BRSK2: variants seen among roughly 807,000 people sequenced by gnomAD.
BRSK2 encodes the protein BR serine/threonine kinase 2.
A neutral mutation model predicts 83.3 loss-of-function variants in BRSK2; 19 were observed. The observed-to-expected ratio is 0.23, with a 90% CI of 0.16 to 0.33. The LOEUF (loss-of-function observed/expected upper bound fraction) is 0.33, where lower values mean the gene tolerates loss of function less well. Among genes scored for constraint, BRSK2 ranks in the 10% least tolerant of loss-of-function variants. The pLI is 1.00. For synonymous variants in BRSK2, 519 were observed against 435.4 expected, an observed-to-expected ratio of 1.19 and a Z score of -2.39; for missense variants, 798 against 1,042.3, an observed-to-expected ratio of 0.77 and a Z score of 3.23.
intron 1 of BRSK2, among the ~76,000 whole-genome samples, chr11:1,418,806 C>T (rs1358824076): frequency 6.6e-6 from 1 of 152,276 alleles, no homozygotes; most frequent in Non-Finnish European, 1.5e-5. Context: ...TGGGGGGCTG[C>T]TCAGCCAGAT....
At chr11:1,404,652 C>G (rs2134068437) in intron 1 of BRSK2, among the ~76,000 whole-genome samples, 2 of 152,312 alleles carry the variant, frequency 1.3e-5, no homozygotes, top group South Asian at 4.1e-4. Flanking sequence ...GCCTCTAAGA[C>G]CACAAGGCAC....
Position 1,460,485 on chromosome 11 carries a change from G to C in BRSK2, c.1988-15G>C. ...CCTTTTTTTTTTTTTTTTTGTCTCT[G>C]TTCTGTGTACCCAGGCAGCCCATTG... On this transcript the variant is annotated splice_polypyrimidine_tract_variant and intron_variant, in intron 19 of 19. Transcript: ENST00000528841. 3 of 775,442 alleles carry C rather than the reference G, an allele frequency of 3.9e-6. No individual in the cohort carries two copies. Among genetic ancestry groups the C allele is most frequent in the South Asian group, 3.4e-5 (1 of 29,822 alleles). 48.0% of individuals were successfully genotyped at this position (775,442 alleles called of 1,614,324 possible).
chr11:1,443,962 G>T (rs1249654785), intron 8 of BRSK2, among the ~76,000 whole-genome samples: 1 of 152,206 alleles, frequency 6.6e-6, no homozygotes, highest in African/African-American at 2.4e-5. Flanking sequence ...GTGTTCAAGG[G>T]TGTGGGGGTA....
At chr11:1,394,091 CCCTGGAGATGGGCCATGGAGATGGGT>C (rs1845905431) in intron 1 of BRSK2, among the ~76,000 whole-genome samples, 1 of 121,068 alleles carries the variant, frequency 8.3e-6, no homozygotes. Flanking sequence ...GGAGATGGGT[CCCTGGAGATGGGCCATGGAGATGGGT>C]CCTGGAGATG....
intron 1 of BRSK2, among the ~76,000 whole-genome samples, chr11:1,405,493 T>C (rs1217047088): frequency 6.6e-6 from 1 of 152,054 alleles, no homozygotes; most frequent in African/African-American, 2.4e-5. Flanking sequence ...TCCTAGGGCT[T>C]GCCTGCAGCC....
At chr11:1,448,426 C>T (rs1727552922) in intron 12 of BRSK2, among the ~76,000 whole-genome samples, 1 of 152,216 alleles carries the variant, frequency 6.6e-6, no homozygotes, top group Admixed American at 6.5e-5. Flanking sequence ...TGCCCTCACT[C>T]TGCCTGCCCT....
At chr11:1,391,715 A>G (rs551736968) in intron 1 of BRSK2, among the ~76,000 whole-genome samples, 5 of 152,228 alleles carry the variant, frequency 3.3e-5, no homozygotes, top group South Asian at 4.1e-4. Flanking sequence ...CCGGAAAGAA[A>G]AACTAGTGTG....
chr11:1,419,206 GTC>G (rs1848408254), intron 1 of BRSK2, among the ~76,000 whole-genome samples: 1 of 151,062 alleles, frequency 6.6e-6, no homozygotes, highest in South Asian at 2.1e-4. Context: ...TCAGGTGTGA[GTC>G]TGGGCACTGG....
intron 1 of BRSK2, among the ~76,000 whole-genome samples, chr11:1,402,382 G>T (rs536054711): frequency 6.6e-6 from 1 of 152,240 alleles, no homozygotes; most frequent in Non-Finnish European, 1.5e-5. Flanking sequence ...GGTGGCCTTG[G>T]GGGTGGATGG....
chr11:1,420,794 G>T (rs1267111791), intron 1 of BRSK2, among the ~76,000 whole-genome samples: 2 of 152,232 alleles, frequency 1.3e-5, no homozygotes, highest in Non-Finnish European at 2.9e-5. Context: ...CTCAGCTCTA[G>T]GTGGGGCTGG....
At chr11:1,417,496 T>C (rs995220882) in intron 1 of BRSK2, among the ~76,000 whole-genome samples, 2 of 152,262 alleles carry the variant, frequency 1.3e-5, no homozygotes, top group Non-Finnish European at 2.9e-5. Flanking sequence ...CCTGCTTCTG[T>C]TGGCTGTTTC....
intron 2 of BRSK2, among the ~76,000 whole-genome samples, chr11:1,436,681 G>C (rs1850344637): frequency 6.6e-6 from 1 of 152,082 alleles, no homozygotes. Flanking sequence ...CCTGACCCTG[G>C]GTGTAGAGGA....
chr11:1,415,594 G>A (rs1302627251), intron 1 of BRSK2, among the ~76,000 whole-genome samples: 1 of 152,198 alleles, frequency 6.6e-6, no homozygotes, highest in Non-Finnish European at 1.5e-5. Context: ...ATTGGACCCA[G>A]TTTTAGTCAG....
intron 1 of BRSK2, among the ~76,000 whole-genome samples, chr11:1,424,259 C>A (rs563946314): frequency 1.4e-4 from 21 of 152,266 alleles, no homozygotes; most frequent in Admixed American, 4.6e-4. Context: ...GCCGGCCAGG[C>A]GGAGGGAGGT....
At chr11:1,424,834 T>A (rs28587036) in intron 1 of BRSK2, among the ~76,000 whole-genome samples, 53,577 of 149,658 alleles carry the variant, frequency 0.36, 10,354 homozygotes, top group African/African-American at 0.49. Flanking sequence ...GGGGGGCAGG[T>A]TGCGGGGGTG....
intron 16 of BRSK2, among the ~76,000 whole-genome samples, chr11:1,455,422 G>A (rs921997994): frequency 5.9e-5 from 9 of 151,790 alleles, no homozygotes; most frequent in East Asian, 2.0e-4. Context: ...AGATCAGGCC[G>A]TGGTTCGCTT....
chr11:1,398,148 C>A (rs1018536345), intron 1 of BRSK2, among the ~76,000 whole-genome samples: 24 of 152,174 alleles, frequency 1.6e-4, no homozygotes, highest in Non-Finnish European at 2.5e-4. Flanking sequence ...GCCTGGGAGC[C>A]CCCGGGGAAC....
chr11:1,426,645 C>T (rs188769905), intron 1 of BRSK2, among the ~76,000 whole-genome samples: 5 of 152,194 alleles, frequency 3.3e-5, no homozygotes, highest in African/African-American at 9.6e-5. Flanking sequence ...TGAAGGTGCC[C>T]CGTGTCTTTT....
chr11:1,450,866 C>T (rs557039007), intron 14 of BRSK2, 72 bp downstream of exon 14: 278 of 1,413,628 alleles, frequency 2.0e-4, no homozygotes, highest in Non-Finnish European at 2.5e-4. Flanking sequence ...GGGCCCCGCC[C>T]GGCAGTGCCA....
Sources: gnomAD v4.1 joint callset for allele counts (sites outside exome capture counted in the v4.1 genomes callset) on GRCh38, gnomAD v4.1.1 for gene constraint, MANE v1.5 for transcripts, NCBI Gene and HGNC (gene_info 2026-07-23, HGNC 2026-07-21) for gene names.